The following PDZRN3 variants were observed in gnomAD, a reference collection of about 807,000 sequenced individuals.
The protein encoded by PDZRN3 is E3 ubiquitin-protein ligase PDZRN3.
Under a neutral mutation model 85.7 loss-of-function variants are expected in PDZRN3, and 38 were observed. The observed-to-expected ratio is 0.44, with a 90% CI of 0.34 to 0.58. The LOEUF (loss-of-function observed/expected upper bound fraction) is 0.58, where lower values mean the gene tolerates loss of function less well. Among genes scored for constraint, PDZRN3 ranks in the 20% least tolerant of loss-of-function variants. The pLI is 0.01. For synonymous variants in PDZRN3, 759 were observed against 638.0 expected (o/e 1.19, Z -2.86); for missense variants, 1,629 against 1,506.4 (o/e 1.08, Z -1.35).
At chr3:73,439,181 T>C (rs1702586379) in intron 3 of PDZRN3, among the ~76,000 whole-genome samples, 1 of 152,104 alleles carries the variant, frequency 6.6e-6, no homozygotes, top group East Asian at 1.9e-4. Flanking sequence ...CCCACCAACT[T>C]CCTCCTCTGA....
chr3:73,565,577 C>T (rs2106840126), intron 3 of PDZRN3, among the ~76,000 whole-genome samples: 1 of 152,226 alleles, frequency 6.6e-6, no homozygotes, highest in East Asian at 1.9e-4. Context: ...TCTTATTTCA[C>T]CTTCCACTAC....
At chr3:73,620,021 A>G (rs1281447954) in intron 1 of PDZRN3, among the ~76,000 whole-genome samples, 2 of 152,214 alleles carry the variant, frequency 1.3e-5, no homozygotes, top group African/African-American at 2.4e-5. Context: ...GTAGGTAGGT[A>G]GGTAGATGCC....
At chr3:73,499,746 C>A (rs750470212) in intron 3 of PDZRN3, among the ~76,000 whole-genome samples, 46 of 152,288 alleles carry the variant, frequency 3.0e-4, no homozygotes, top group Non-Finnish European at 5.9e-4. Context: ...TCTGGGGAAG[C>A]TTCCCTGGCT....
chr3:73,543,805 C>T (rs1324897664), intron 3 of PDZRN3, among the ~76,000 whole-genome samples: 5 of 152,202 alleles, frequency 3.3e-5, no homozygotes, highest in African/African-American at 1.2e-4. Flanking sequence ...ACTGACCAGA[C>T]ACCAACAAGC....
intron 3 of PDZRN3, among the ~76,000 whole-genome samples, chr3:73,419,702 C>T (rs1038760211): frequency 5.3e-5 from 8 of 152,104 alleles, no homozygotes; most frequent in South Asian, 2.1e-4. Flanking sequence ...CATTGAAAAA[C>T]GTGTTTTGCA....
Position 73,437,496 on chromosome 3 carries a change from C to T in PDZRN3, c.919-33101G>A, listed in dbSNP as rs146600926. Reference sequence around the variant, plus strand: ...AGTGTGCTGGACCCCCAGGGGTGCCCGGGCCTCACTTTGAGAACAGCTGCC... The same window carrying T: ...AGTGTGCTGGACCCCCAGGGGTGCCTGGGCCTCACTTTGAGAACAGCTGCC... On this transcript the variant is annotated intron_variant, in intron 3 of 9. Coordinates refer to ENST00000263666, the MANE Select transcript of PDZRN3 (RefSeq NM_015009.3). Among the ~76,000 whole-genome samples, 22 of 152,274 alleles carry T rather than the reference C, an allele frequency of 1.4e-4. No individual in the cohort carries two copies. In the East Asian group the frequency reaches 2.5e-3, roughly 17 times the overall value.
chr3:73,429,842 T>C (rs993825806), intron 3 of PDZRN3, among the ~76,000 whole-genome samples: 2 of 152,186 alleles, frequency 1.3e-5, no homozygotes, highest in Non-Finnish European at 2.9e-5. Flanking sequence ...TCTGTGTTAC[T>C]CCGGAGCTCA....
rs747604917 is a variant in PDZRN3 at position 73,383,927 on chromosome 3, T to C, written c.2639A>G (p.Tyr880Cys). The part of the protein sequence containing the change: ...HAHIPAHAQH[Y>C]QSYMQLIQQK... ...CTGGATCAGCTGCATGTAGCTCTGG[T>C]AGTGCTGGGCGTGCGCCGGGATGTG... Residue 880 changes from tyrosine (Y) to cysteine (C), a missense_variant, in exon 10 of 10, where the codon TAC (tyrosine) becomes TGC (cysteine). By Grantham distance (194) the Tyr-to-Cys change is radical. Transcript: ENST00000263666. 1 of 1,609,786 alleles carries C rather than the reference T, an allele frequency of 6.2e-7. No homozygotes were observed. The highest frequency in any genetic ancestry group is 1.1e-5 in the South Asian group (1 of 90,552).
chr3:73,616,786 A>G (rs569150795), intron 1 of PDZRN3, among the ~76,000 whole-genome samples: 1 of 152,306 alleles, frequency 6.6e-6, no homozygotes, highest in South Asian at 2.1e-4. Context: ...ATCTCATTTC[A>G]TCTTAATAAC....
intron 3 of PDZRN3, among the ~76,000 whole-genome samples, chr3:73,528,029 C>CA (rs1559723339): frequency 6.6e-6 from 1 of 152,218 alleles, no homozygotes; most frequent in African/African-American, 2.4e-5. Context: ...TAAACCTGGA[C>CA]AAATCGCTCT....
intron 1 of PDZRN3, among the ~76,000 whole-genome samples, chr3:73,621,297 C>A (rs1215105949): frequency 1.3e-5 from 2 of 152,226 alleles, no homozygotes; most frequent in East Asian, 3.8e-4. Context: ...TTAAAGAATG[C>A]CACATCATTT....
At chr3:73,470,664 A>G (rs1703318723) in intron 3 of PDZRN3, among the ~76,000 whole-genome samples, 1 of 152,216 alleles carries the variant, frequency 6.6e-6, no homozygotes. Flanking sequence ...TTCTGGAAAC[A>G]ATGCACAGAC....
chr3:73,449,271 G>T lies in PDZRN3; in HGVS notation c.919-44876C>A, dbSNP rs141507694. Reference sequence around the variant, plus strand: ...GATCCTTTAAACTGTCAAACTCGGCGAGGAACTCCATGGCCTGGCATCTGA... The same window carrying T: ...GATCCTTTAAACTGTCAAACTCGGCTAGGAACTCCATGGCCTGGCATCTGA... On this transcript the variant is annotated intron_variant, in intron 3 of 9. Transcript: ENST00000263666. 6.5e-3 allele frequency among the ~76,000 whole-genome samples: 985 copies of T among 152,152 alleles called. 12 individuals carry two copies. Among genetic ancestry groups the T allele is most frequent in the African/African-American group, 0.023 (938 of 41,520 alleles).
In PDZRN3 at chr3:73,580,070, T is replaced by C. The variant is rs560626240; in HGVS notation, c.918+22284A>G. Among the ~76,000 whole-genome samples, 9 of 152,328 alleles carry C rather than the reference T, an allele frequency of 5.9e-5. No homozygotes were observed. The South Asian group carries it at 1.7e-3, about 28-fold the overall frequency. On this transcript the variant is annotated intron_variant, in intron 3 of 9. Transcript: ENST00000263666. ...GTCTCCATATTCTGTAAAGTGCTCCTATGGGTGTTGATTTATTCAGCTGAA... is the reference window on the plus strand; with the variant it reads ...GTCTCCATATTCTGTAAAGTGCTCCCATGGGTGTTGATTTATTCAGCTGAA...
In PDZRN3 at chr3:73,495,217, C is replaced by T. The variant is rs528428455; in HGVS notation, c.919-90822G>A. ...AAATCATTTATTGAAAAGCTTCTTTCGATAGCAAGATTCTTTCAGCAAGTG... is the reference window on the plus strand; with the variant it reads ...AAATCATTTATTGAAAAGCTTCTTTTGATAGCAAGATTCTTTCAGCAAGTG... On this transcript the variant is annotated intron_variant, in intron 3 of 9. Transcript: ENST00000263666. 3.7e-4 allele frequency among the ~76,000 whole-genome samples: 57 copies of T among 152,140 alleles called. No homozygotes were observed. In the South Asian group the frequency reaches 0.011, roughly 31 times the overall value.
intron 3 of PDZRN3, among the ~76,000 whole-genome samples, chr3:73,431,931 G>T (rs1364550194): frequency 6.6e-6 from 1 of 152,172 alleles, no homozygotes; most frequent in Non-Finnish European, 1.5e-5. Flanking sequence ...ACTTAGATTT[G>T]CCAGAGATGT....
Position 73,425,600 on chromosome 3 carries a change from G to A in PDZRN3, c.919-21205C>T, listed in dbSNP as rs202107737. Among the ~76,000 whole-genome samples, 391 of 143,642 alleles carry A rather than the reference G, an allele frequency of 2.7e-3. 1 individual carries two copies. The highest frequency in any genetic ancestry group is 9.1e-3 in the African/African-American group (358 of 39,552). 94.2% of individuals were successfully genotyped at this position (143,642 alleles called of 152,430 possible). On this transcript the variant is annotated intron_variant, in intron 3 of 9. Transcript: ENST00000263666. Reference sequence around the variant, plus strand: ...TGAACACCAAAGAGGCAAATAAGAAGAAAAAAAAAAAAAGAGAATCCCCTT... The same window carrying A: ...TGAACACCAAAGAGGCAAATAAGAAAAAAAAAAAAAAAAGAGAATCCCCTT...
chr3:73,502,013 T>C (rs1348351500), intron 3 of PDZRN3, among the ~76,000 whole-genome samples: 2 of 147,334 alleles, frequency 1.4e-5, no homozygotes, highest in African/African-American at 5.3e-5. Flanking sequence ...AGATTCAGTA[T>C]CAAAATAAAT....
At chr3:73,469,904 G>A (rs1703300359) in intron 3 of PDZRN3, among the ~76,000 whole-genome samples, 1 of 152,144 alleles carries the variant, frequency 6.6e-6, no homozygotes, top group Admixed American at 6.5e-5. Flanking sequence ...GACATCTTGG[G>A]CCAGATAGTT....
Sources: gnomAD v4.1 joint callset for allele counts (sites outside exome capture counted in the v4.1 genomes callset) on GRCh38, gnomAD v4.1.1 for gene constraint, MANE v1.5 for transcripts, NCBI Gene and HGNC (gene_info 2026-07-23, HGNC 2026-07-21) for gene names.